PLCB1: variants seen among roughly 807,000 people sequenced by gnomAD.
The protein encoded by PLCB1 is 1-phosphatidylinositol 4,5-bisphosphate phosphodiesterase beta-1.
In PLCB1, 46 loss-of-function variants were observed where a neutral mutation model predicts 161.8. The observed-to-expected ratio is 0.28, with a 90% CI of 0.22 to 0.36. The LOEUF (loss-of-function observed/expected upper bound fraction) is 0.36, where lower values mean the gene tolerates loss of function less well. PLCB1 is among the 10% of genes least tolerant of loss of function. The pLI, the probability that PLCB1 is intolerant of heterozygous loss-of-function variation, is 1.00. For synonymous variants in PLCB1, 517 were observed against 503.7 expected (o/e 1.03, Z -0.35); for missense variants, 1,016 against 1,472.5 (o/e 0.69, Z 5.07).
chr20:8,658,507 T>C, intron 8 of PLCB1, 31 bp from the exon 9 acceptor site: 1 of 1,528,910 alleles, frequency 6.5e-7, no homozygotes, highest in Non-Finnish European at 8.8e-7. Context: ...GTTTAAAAAA[T>C]TCTTATTGCT....
chr20:8,770,062 C>T (rs888897171), intron 26 of PLCB1, among the ~76,000 whole-genome samples: 3 of 152,120 alleles, frequency 2.0e-5, no homozygotes, highest in Non-Finnish European at 4.4e-5. Flanking sequence ...ATGCCATTCT[C>T]CTGCCTCAGC....
intron 3 of PLCB1, among the ~76,000 whole-genome samples, chr20:8,554,896 T>C (rs892830855): frequency 3.9e-5 from 6 of 152,258 alleles, no homozygotes; most frequent in South Asian, 4.1e-4. Context: ...TGTGTGAAAT[T>C]ACTGGGACGT....
At chr20:8,577,412 T>C (rs1986706114) in intron 3 of PLCB1, among the ~76,000 whole-genome samples, 1 of 140,728 alleles carries the variant, frequency 7.1e-6, no homozygotes, top group Non-Finnish European at 1.5e-5. Flanking sequence ...CACTCCAGCC[T>C]GGGCAACAGA....
intron 2 of PLCB1, among the ~76,000 whole-genome samples, chr20:8,319,621 T>A (rs1023412908): frequency 3.9e-5 from 6 of 152,016 alleles, no homozygotes; most frequent in African/African-American, 1.4e-4. Flanking sequence ...CTTAGGGCCA[T>A]CTATGTAGTC....
chr20:8,823,645 T>A (rs1842703053), intron 31 of PLCB1, among the ~76,000 whole-genome samples: 1 of 152,212 alleles, frequency 6.6e-6, no homozygotes, highest in African/African-American at 2.4e-5. Flanking sequence ...AACAAGGCCA[T>A]TCTGAACTAA....
intron 3 of PLCB1, among the ~76,000 whole-genome samples, chr20:8,442,356 A>C (rs1247709963): frequency 6.6e-6 from 1 of 152,144 alleles, no homozygotes; most frequent in Admixed American, 6.5e-5. Context: ...CCTCTAGAGG[A>C]GGGAACACTT....
At chr20:8,409,835 A>C (rs1351279540) in intron 3 of PLCB1, among the ~76,000 whole-genome samples, 1 of 152,140 alleles carries the variant, frequency 6.6e-6, no homozygotes, top group Non-Finnish European at 1.5e-5. Flanking sequence ...AATATTATTT[A>C]AGAAATTGAT....
intron 2 of PLCB1, among the ~76,000 whole-genome samples, chr20:8,282,929 A>C (rs999964252): frequency 1.1e-4 from 10 of 89,724 alleles, no homozygotes; most frequent in African/African-American, 7.4e-4. Flanking sequence ...ATTAGAGTTT[A>C]TTTCTACTCT....
intron 2 of PLCB1, among the ~76,000 whole-genome samples, chr20:8,321,728 C>T (rs1396306743): frequency 6.6e-6 from 1 of 152,098 alleles, no homozygotes; most frequent in African/African-American, 2.4e-5. Context: ...AAAATATTCC[C>T]AAATAAGTAA....
intron 31 of PLCB1, among the ~76,000 whole-genome samples, chr20:8,855,555 C>A (rs1254091879): frequency 1.3e-5 from 2 of 152,088 alleles, no homozygotes; most frequent in East Asian, 3.9e-4. Context: ...CACATTCCAG[C>A]AAGTTTAATA....
chr20:8,143,490 C>T (rs1180944593), intron 1 of PLCB1, among the ~76,000 whole-genome samples: 1 of 152,196 alleles, frequency 6.6e-6, no homozygotes, highest in Non-Finnish European at 1.5e-5. Flanking sequence ...TTAATGATTT[C>T]ATGCCTGCCC....
intron 26 of PLCB1, among the ~76,000 whole-genome samples, chr20:8,773,897 G>T (rs1018414911): frequency 2.0e-5 from 3 of 152,092 alleles, no homozygotes; most frequent in Admixed American, 1.3e-4. Context: ...TCACTCAAAC[G>T]TGGGAGGTGG....
intron 2 of PLCB1, among the ~76,000 whole-genome samples, chr20:8,211,113 T>G (rs1978802031): frequency 6.6e-6 from 1 of 152,148 alleles, no homozygotes; most frequent in African/African-American, 2.4e-5. Flanking sequence ...TTTATATGCT[T>G]ATGGTGCCTT....
chr20:8,789,909 T>C (rs1983669284), intron 30 of PLCB1, among the ~76,000 whole-genome samples: 1 of 152,212 alleles, frequency 6.6e-6, no homozygotes, highest in South Asian at 2.1e-4. Flanking sequence ...GTCCTTTTTT[T>C]TTCCAATTTA....
At chr20:8,565,750 T>C (rs961907607) in intron 3 of PLCB1, among the ~76,000 whole-genome samples, 5 of 152,066 alleles carry the variant, frequency 3.3e-5, no homozygotes, top group Non-Finnish European at 7.4e-5. Flanking sequence ...ATTTTTTTTC[T>C]CAAGAGGATA....
At chr20:8,350,869 G>T (rs530262896) in intron 2 of PLCB1, among the ~76,000 whole-genome samples, 3 of 152,130 alleles carry the variant, frequency 2.0e-5, no homozygotes, top group Non-Finnish European at 4.4e-5. Flanking sequence ...TAATGAGATT[G>T]GGTGATATTT....
chr20:8,657,134 G>A lies in PLCB1; in HGVS notation c.595-50G>A, dbSNP rs748236021. The A allele has an allele frequency of 3.8e-5, 38 of 998,562 alleles. 1 individual carries two copies. Among genetic ancestry groups the A allele is most frequent in the South Asian group, 1.1e-4 (9 of 78,342 alleles). The allele number at this position is 998,562 out of a possible 1,614,324, so 61.9% of individuals were successfully genotyped here. A position where few individuals can be genotyped will look rare whatever the true frequency, so the allele number is the denominator to read the frequency against. On this transcript the variant is annotated intron_variant, in intron 7 of 31. Coordinates refer to ENST00000338037, the MANE Select transcript of PLCB1 (RefSeq NM_015192.4). Reference sequence around the variant, plus strand: ...CAGAGAAAAAACAGGGAGGGAGGAAGCTGGGGAAGGAAAAAGACCATTTGC... The same window carrying A: ...CAGAGAAAAAACAGGGAGGGAGGAAACTGGGGAAGGAAAAAGACCATTTGC...
At chr20:8,488,622 A>T (rs1328601006) in intron 3 of PLCB1, among the ~76,000 whole-genome samples, 1 of 152,154 alleles carries the variant, frequency 6.6e-6, no homozygotes, top group African/African-American at 2.4e-5. Flanking sequence ...GATTTCTCTA[A>T]ACATGTTTAA....
In PLCB1 at chr20:8,549,809, C is replaced by A. The variant is rs892558956; in HGVS notation, c.247-78485C>A. 5.3e-5 allele frequency among the ~76,000 whole-genome samples: 8 copies of A among 152,244 alleles called. No individual in the cohort carries two copies. The South Asian group carries it at 1.2e-3, about 24-fold the overall frequency. On this transcript the variant is annotated intron_variant, in intron 3 of 31. Coordinates refer to ENST00000338037, the MANE Select transcript of PLCB1 (RefSeq NM_015192.4). ...TGGTGTCAAACTCCTGAGCTCAAAG[C>A]AATCTGCCTGCATGGACCTCCCAAA...
Sources: gnomAD v4.1 joint callset for allele counts (sites outside exome capture counted in the v4.1 genomes callset) on GRCh38, gnomAD v4.1.1 for gene constraint, MANE v1.5 for transcripts, NCBI Gene and HGNC (gene_info 2026-07-23, HGNC 2026-07-21) for gene names.